The following RSL1D1 variants were observed in gnomAD, a reference collection of about 807,000 sequenced individuals.
The protein encoded by RSL1D1 is ribosomal L1 domain-containing protein 1.
RSL1D1 carries 34 observed loss-of-function variants against 44.6 expected under a neutral mutation model. The observed-to-expected ratio is 0.76, with a 90% confidence interval of 0.58 to 1.02. The LOEUF is 1.02. Ranked by LOEUF, RSL1D1 falls within the 50% of genes least tolerant of loss-of-function variation. The pLI, the probability that RSL1D1 is intolerant of heterozygous loss-of-function variation, is 0.00. For missense variants in RSL1D1, 767 were observed against 568.1 expected (o/e 1.35, Z -3.56); for synonymous variants, 271 against 207.4 (o/e 1.31, Z -2.63).
At chr16:11,839,591 G>A (rs1286200858) in intron 8 of RSL1D1, 104 bp downstream of exon 8, 1 of 1,480,414 alleles carries the variant, frequency 6.8e-7, no homozygotes, top group Non-Finnish European at 8.9e-7. Context: ...CAGTTCTTTG[G>A]GTTCACTCTA....
intron 5 of RSL1D1, 56 bp from the exon 6 acceptor site, chr16:11,842,056 C>G (rs898833310): frequency 1.0e-5 from 13 of 1,256,544 alleles, no homozygotes; most frequent in Non-Finnish European, 1.5e-5. Context: ...TCAAAATAAA[C>G]CAGGCAGGTA....
intron 5 of RSL1D1, among the ~76,000 whole-genome samples, chr16:11,844,170 G>C (rs1230163701): frequency 6.6e-6 from 1 of 152,194 alleles, no homozygotes; most frequent in East Asian, 1.9e-4. Context: ...AAGCACACCT[G>C]AGCATCCCAG....
chr16:11,839,557 ATC>A, intron 8 of RSL1D1, 136 bp downstream of exon 8: 27 of 1,265,984 alleles, frequency 2.1e-5, no homozygotes, highest in Non-Finnish European at 2.7e-5. Context: ...GGTACAATAA[ATC>A]ATGATATGAT....
At chr16:11,850,013 G>C (rs2053825949) in intron 2 of RSL1D1, among the ~76,000 whole-genome samples, 1 of 152,130 alleles carries the variant, frequency 6.6e-6, no homozygotes, top group African/African-American at 2.4e-5. Flanking sequence ...TTTTTGGAGA[G>C]ACAGGGTTTT....
At position 11,841,831 on chromosome 16, in the gene RSL1D1, G is replaced by A. The variant is rs768285459; in HGVS notation, c.730-11C>T. On this transcript the variant is annotated splice_polypyrimidine_tract_variant and intron_variant, in intron 6 of 8. Coordinates refer to ENST00000571133, the MANE Select transcript of RSL1D1 (RefSeq NM_015659.3). ...CACGCTCTCCCACTTCTGAAACAAA[G>A]AAAAGAGTAACATCGTCTACATATA... The A allele has an allele frequency of 1.9e-6, 3 of 1,574,896 alleles. No homozygotes were observed. The highest frequency in any genetic ancestry group is 2.6e-6 in the Non-Finnish European group (3 of 1,149,298).
At chr16:11,851,261 G>T in intron 1 of RSL1D1, 147 bp downstream of exon 1, 1 of 755,802 alleles carries the variant, frequency 1.3e-6, no homozygotes, top group Admixed American at 1.9e-5. Context: ...GTGTAAAGGG[G>T]AGAGACAGCT....
intron 5 of RSL1D1, among the ~76,000 whole-genome samples, chr16:11,844,772 G>T (rs1321198287): frequency 6.6e-6 from 1 of 152,216 alleles, no homozygotes; most frequent in East Asian, 1.9e-4. Flanking sequence ...CTTACTGGCA[G>T]CTAGCCATCT....
intron 5 of RSL1D1, 50 bp from the exon 6 acceptor site, chr16:11,842,050 A>C: frequency 1.5e-6 from 2 of 1,315,296 alleles, no homozygotes; most frequent in Non-Finnish European, 2.1e-6. Context: ...CATTTTTCAA[A>C]ATAAACCAGG....
In RSL1D1 at chr16:11,837,706, T is replaced by G; in HGVS notation, c.*81A>C. 7.7e-7 allele frequency: 1 copy of G among 1,296,938 alleles called. No individual in the cohort carries two copies. Among genetic ancestry groups the G allele is most frequent in the Non-Finnish European group, 1.1e-6 (1 of 931,272 alleles). 80.3% of individuals were successfully genotyped at this position (1,296,938 alleles called of 1,614,324 possible). On this transcript the variant is annotated 3_prime_UTR_variant, in exon 9 of 9. Coordinates refer to ENST00000571133, the MANE Select transcript of RSL1D1 (RefSeq NM_015659.3). Reference sequence around the variant, plus strand: ...TCCAGGCCTGACGTTTAGAGAAGGTTACAAAGGCGGCCAGGATCTGAGTAT... The same window carrying G: ...TCCAGGCCTGACGTTTAGAGAAGGTGACAAAGGCGGCCAGGATCTGAGTAT...
Position 11,841,895 on chromosome 16 carries a change from G to C in RSL1D1, c.729+12C>G, listed in dbSNP as rs369331403. The C allele has an allele frequency of 2.9e-5, 47 of 1,612,344 alleles. No individual in the cohort carries two copies. The highest frequency in any genetic ancestry group is 3.5e-5 in the Non-Finnish European group (41 of 1,178,966). ...AAATGAACAATCAATTGATGCACCT[G>C]TAATACTGTACCTCTGGCAATTTTT... On this transcript the variant is annotated intron_variant, in intron 6 of 8. Coordinates refer to ENST00000571133, the MANE Select transcript of RSL1D1 (RefSeq NM_015659.3).
Position 11,846,903 on chromosome 16 carries a change from T to C in RSL1D1, c.385-60A>G, listed in dbSNP as rs1227722817. On this transcript the variant is annotated intron_variant, in intron 3 of 8. Coordinates refer to ENST00000571133, the MANE Select transcript of RSL1D1 (RefSeq NM_015659.3). ...TAGGAATCTAAACAAGGAGAAGAAA[T>C]ACTTAGGCAACAATTTGGATTTGGA... 2.8e-6 allele frequency: 4 copies of C among 1,427,672 alleles called. No individual in the cohort carries two copies. The African/African-American group carries it at 4.3e-5, about 15-fold the overall frequency. 88.4% of individuals were successfully genotyped at this position (1,427,672 alleles called of 1,614,324 possible).
chr16:11,834,493 T>C lies in RSL1D1; in HGVS notation c.*3294A>G, dbSNP rs897218117. The C allele has an allele frequency of 6.6e-6, 1 of 152,230 alleles. No individual in the cohort carries two copies. The highest frequency in any genetic ancestry group is 2.4e-5 in the African/African-American group (1 of 41,460). The allele number at this position is 152,230 out of a possible 1,614,324, so 9.4% of individuals were successfully genotyped here. ...AACTACGGAGCAAAGAATCACACAG[T>C]GTTGCAAGATCTTGAACTGACTAGA... On this transcript the variant is annotated 3_prime_UTR_variant, in exon 9 of 9. Coordinates refer to ENST00000571133, the MANE Select transcript of RSL1D1 (RefSeq NM_015659.3).
chr16:11,838,691 T>A (rs1401594131), intron 8 of RSL1D1, among the ~76,000 whole-genome samples: 1 of 150,504 alleles, frequency 6.6e-6, no homozygotes, highest in African/African-American at 2.4e-5. Flanking sequence ...ACCCCATCTC[T>A]ACTAAAAATA....
chr16:11,848,648 T>C lies in RSL1D1; in HGVS notation c.246-842A>G, dbSNP rs976068611. 3.3e-5 allele frequency among the ~76,000 whole-genome samples: 5 copies of C among 152,130 alleles called. No individual in the cohort carries two copies. In the East Asian group the frequency reaches 5.8e-4, roughly 18 times the overall value. ...ACTCCAGGCACGTACCAGTTGGGTG[T>C]AGGCCCAGCTAATTTTTGTATTTTT... is the stretch of plus-strand genomic sequence containing the variant. On this transcript the variant is annotated intron_variant, in intron 2 of 8. Coordinates refer to ENST00000571133, the MANE Select transcript of RSL1D1 (RefSeq NM_015659.3).
Position 11,839,684 on chromosome 16 carries a change from T to C in RSL1D1, c.1146+11A>G. 6.2e-7 allele frequency: 1 copy of C among 1,613,408 alleles called. No individual in the cohort carries two copies. The highest frequency in any genetic ancestry group is 8.5e-7 in the Non-Finnish European group (1 of 1,179,848). On this transcript the variant is annotated intron_variant, in intron 8 of 8. Transcript: ENST00000571133. Reference sequence around the variant, plus strand: ...CCAATCCATTATGAACAGTAAATATTAAAACAATACCTCTACTTTTTCATT... The same window carrying C: ...CCAATCCATTATGAACAGTAAATATCAAAACAATACCTCTACTTTTTCATT...
In RSL1D1 at chr16:11,834,248, GATAC is replaced by G. The variant is rs1567415352; in HGVS notation, c.*3535_*3538del. On this transcript the variant is annotated 3_prime_UTR_variant, in exon 9 of 9. Coordinates refer to ENST00000571133, the MANE Select transcript of RSL1D1 (RefSeq NM_015659.3). The stretch of plus-strand genomic sequence containing the variant: ...TTCAACTTTTTGATGGTATAAAAGC[GATAC>G]ATAATCAGTACAAACCATATACATA... 2 of 152,116 alleles carry G rather than the reference GATAC, an allele frequency of 1.3e-5. No homozygotes were observed. The highest frequency in any genetic ancestry group is 4.8e-5 in the African/African-American group (2 of 41,414). The allele number at this position is 152,116 out of a possible 1,614,324, so 9.4% of individuals were successfully genotyped here.
At chr16:11,842,157 T>C (rs2141251818) in intron 5 of RSL1D1, among the ~76,000 whole-genome samples, 157 bp from the exon 6 acceptor site, 1 of 152,216 alleles carries the variant, frequency 6.6e-6, no homozygotes, top group Admixed American at 6.5e-5. Context: ...CAAAATCCTG[T>C]CTCTACCACA....
intron 2 of RSL1D1, chr16:11,849,135 C>G (rs923585534): frequency 6.6e-6 from 1 of 152,006 alleles, no homozygotes; most frequent in Non-Finnish European, 1.5e-5. Context: ...GCCTGTAATC[C>G]CAACACTTTG....
chr16:11,851,345 C>T lies in RSL1D1; in HGVS notation c.105+63G>A. 3 of 1,500,862 alleles carry T rather than the reference C, an allele frequency of 2.0e-6. No homozygotes were observed. In the South Asian group the frequency reaches 3.4e-5, roughly 17 times the overall value. 93.0% of individuals were successfully genotyped at this position (1,500,862 alleles called of 1,614,324 possible). On this transcript the variant is annotated intron_variant, in intron 1 of 8. Transcript: ENST00000571133. ...CCGAGCACGCACTCGGGTTCCGGCA[C>T]CCTGCGCCTCACGAGGTAACCGCCA...
Sources: gnomAD v4.1 joint callset for allele counts (sites outside exome capture counted in the v4.1 genomes callset) on GRCh38, gnomAD v4.1.1 for gene constraint, MANE v1.5 for transcripts, NCBI Gene and HGNC (gene_info 2026-07-23, HGNC 2026-07-21) for gene names.